Variants in ACVR2B observed in about 807,000 individuals in gnomAD.
ACVR2B encodes the protein activin receptor type-2B.
Under a neutral mutation model 65.1 loss-of-function variants are expected in ACVR2B, and 18 were observed. That is an observed-to-expected ratio of 0.28 (90% CI 0.19 to 0.41). ACVR2B has a LOEUF of 0.41. ACVR2B is among the 10% of genes least tolerant of loss of function. ACVR2B has a pLI of 1.00. For missense variants in ACVR2B, 482 were observed against 682.7 expected (o/e 0.71, Z 3.28); for synonymous variants, 298 against 277.7 (o/e 1.07, Z -0.73).
rs1710130254 is a variant in ACVR2B at position 38,486,814 on chromosome 3, C to T, written c.*3482C>T. ...ATCTATGATAACTGAGAAGTCATCCCTAGTTGGAGAAATCCAGTAATGAGC... is the reference window on the plus strand; with the variant it reads ...ATCTATGATAACTGAGAAGTCATCCTTAGTTGGAGAAATCCAGTAATGAGC... On this transcript the variant is annotated 3_prime_UTR_variant, in exon 11 of 11. Transcript: ENST00000352511. 1 of 152,222 alleles carries T rather than the reference C, an allele frequency of 6.6e-6. No homozygotes were observed. Among genetic ancestry groups the T allele is most frequent in the Non-Finnish European group, 1.5e-5 (1 of 68,100 alleles). The allele number at this position is 152,222 out of a possible 1,614,324, so 9.4% of individuals were successfully genotyped here. A position where few individuals can be genotyped will look rare whatever the true frequency, so the allele number is the denominator to read the frequency against.
chr3:38,481,266 A>G lies in ACVR2B; in HGVS notation c.960-85A>G. 1 of 1,183,534 alleles carries G rather than the reference A, an allele frequency of 8.4e-7. No homozygotes were observed. The highest frequency in any genetic ancestry group is 1.3e-6 in the Non-Finnish European group (1 of 791,384). The allele number at this position is 1,183,534 out of a possible 1,614,324, so 73.3% of individuals were successfully genotyped here. On this transcript the variant is annotated intron_variant, in intron 7 of 10. Coordinates refer to ENST00000352511, the MANE Select transcript of ACVR2B (RefSeq NM_001106.4). This position sits in a 1 kb window ranked among gnomAD's most constrained non-coding sequence, Gnocchi z 4.7. ...ATGGCCTGGTCTGGGGCCTGACTCT[A>G]GGGCACAGACTCTAGTATCTTGGGA... is the stretch of plus-strand genomic sequence containing the variant.
At chr3:38,468,961 T>C (rs1490219806) in intron 1 of ACVR2B, among the ~76,000 whole-genome samples, 1 of 152,224 alleles carries the variant, frequency 6.6e-6, no homozygotes, top group Non-Finnish European at 1.5e-5. Flanking sequence ...AAAAGGCATG[T>C]ATTTCAGAGC....
chr3:38,460,497 G>T (rs1463688435), intron 1 of ACVR2B, among the ~76,000 whole-genome samples: 1 of 152,194 alleles, frequency 6.6e-6, no homozygotes, highest in African/African-American at 2.4e-5. Flanking sequence ...GTCTCTTCCC[G>T]GCCCAGGACC....
Position 38,478,263 on chromosome 3 carries a change from C to A in ACVR2B, c.493C>A (p.Pro165Thr). The A allele has an allele frequency of 1.2e-6, 2 of 1,614,064 alleles. No individual in the cohort carries two copies. The highest frequency in any genetic ancestry group is 1.1e-5 in the South Asian group (1 of 91,058). ...LAFWMYRHRK[P>T]PYGHVDIHED... Reference sequence around the variant, plus strand: ...CTTTTGGATGTACCGGCATCGCAAGCCCCCCTACGGTCATGTGGACATCCA... The same window carrying A: ...CTTTTGGATGTACCGGCATCGCAAGACCCCCTACGGTCATGTGGACATCCA... The change falls in exon 4 of 11, where the codon CCC (proline) becomes ACC (threonine). Residue 165 changes from proline to threonine, a missense_variant. Pro to Thr is a conservative substitution (Grantham distance 38). Transcript: ENST00000352511.
Position 38,486,624 on chromosome 3 carries a change from A to G in ACVR2B, c.*3292A>G, listed in dbSNP as rs1710126118. 6.6e-6 allele frequency: 1 copy of G among 152,134 alleles called. No individual in the cohort carries two copies. The highest frequency in any genetic ancestry group is 2.1e-4 in the South Asian group (1 of 4,828). 9.4% of individuals were successfully genotyped at this position (152,134 alleles called of 1,614,324 possible). On this transcript the variant is annotated 3_prime_UTR_variant, in exon 11 of 11. Coordinates refer to ENST00000352511, the MANE Select transcript of ACVR2B (RefSeq NM_001106.4). ...CAGACTGGGGAAAATGGGGCCTGGC[A>G]TCATTTTCCCTGTCAATGGGAGGGG...
chr3:38,470,170 A>G lies in ACVR2B; in HGVS notation c.53-7117A>G, dbSNP rs185712797. Among the ~76,000 whole-genome samples, 1,041 of 152,310 alleles carry G rather than the reference A, an allele frequency of 6.8e-3. 14 individuals carry two copies. Among genetic ancestry groups the G allele is most frequent in the African/African-American group, 0.024 (992 of 41,580 alleles). ...CAGAATCATAGAATTTGGAGATGCAATATTCAAGTTGATAATAGCCAAGAA... is the reference window on the plus strand; with the variant it reads ...CAGAATCATAGAATTTGGAGATGCAGTATTCAAGTTGATAATAGCCAAGAA... On this transcript the variant is annotated intron_variant, in intron 1 of 10. Coordinates refer to ENST00000352511, the MANE Select transcript of ACVR2B (RefSeq NM_001106.4).
chr3:38,469,903 TGACCAGGAA>T (rs746362012), intron 1 of ACVR2B, among the ~76,000 whole-genome samples: 15 of 151,986 alleles, frequency 9.9e-5, no homozygotes, highest in Non-Finnish European at 1.6e-4. Flanking sequence ...GTATCAAAAT[TGACCAGGAA>T]GTTTTTTTTT....
At chr3:38,471,381 G>C (rs1254349092) in intron 1 of ACVR2B, among the ~76,000 whole-genome samples, 1 of 152,226 alleles carries the variant, frequency 6.6e-6, no homozygotes, top group African/African-American at 2.4e-5. Flanking sequence ...AACCCCAGGT[G>C]GGGGCTGTCA....
At chr3:38,467,362 G>A (rs1326479123) in intron 1 of ACVR2B, among the ~76,000 whole-genome samples, 2 of 151,852 alleles carry the variant, frequency 1.3e-5, no homozygotes, top group Admixed American at 6.6e-5. Flanking sequence ...AGAATCACTC[G>A]AACATGGGAG....
chr3:38,454,202 A>C lies in ACVR2B; in HGVS notation c.-121A>C, dbSNP rs1709500609. The C allele has an allele frequency of 1.4e-6, 1 of 724,152 alleles. No homozygotes were observed. Among genetic ancestry groups the C allele is most frequent in the South Asian group, 5.0e-5 (1 of 20,132 alleles). The allele number at this position is 724,152 out of a possible 1,614,324, so 44.9% of individuals were successfully genotyped here. ...ACGAAGGCGCAGGAAGCGCGCAGGG[A>C]ACGAGACCGAAGGAAGGAGCGGGAA... On this transcript the variant is annotated 5_prime_UTR_variant, in exon 1 of 11. Transcript: ENST00000352511.
At chr3:38,479,031 T>C in intron 5 of ACVR2B, 97 bp from the exon 6 acceptor site, 1 of 1,526,642 alleles carries the variant, frequency 6.6e-7, no homozygotes, top group Non-Finnish European at 9.0e-7. Context: ...GGCTTGAGGG[T>C]GGGGAATGGG....
chr3:38,457,118 G>C (rs35044334), intron 1 of ACVR2B, among the ~76,000 whole-genome samples: 78,532 of 151,910 alleles, frequency 0.52, 21,443 homozygotes, highest in Non-Finnish European at 0.61. Context: ...GCAGGGGAAT[G>C]GCATGAACCC....
intron 1 of ACVR2B, 87 bp downstream of exon 1, chr3:38,454,461 G>T: frequency 8.8e-7 from 1 of 1,136,580 alleles, no homozygotes; most frequent in Admixed American, 4.4e-5. Context: ...CAAAGGGCGG[G>T]CCCGGGGCCT....
chr3:38,473,151 C>G (rs1324113158), intron 1 of ACVR2B, among the ~76,000 whole-genome samples: 3 of 152,168 alleles, frequency 2.0e-5, no homozygotes, highest in Non-Finnish European at 4.4e-5. Context: ...CCCCTTGGAG[C>G]ATAGGGACTG....
chr3:38,458,555 C>T (rs140467915), intron 1 of ACVR2B, among the ~76,000 whole-genome samples: 4 of 152,216 alleles, frequency 2.6e-5, no homozygotes, highest in African/African-American at 7.2e-5. Flanking sequence ...GTGATCCTGC[C>T]GGATGTTCAG....
chr3:38,459,658 C>T (rs909018414), intron 1 of ACVR2B: 1 of 985,416 alleles, frequency 1.0e-6, no homozygotes, highest in East Asian at 1.1e-4. Context: ...AGGCCGGGGA[C>T]ACCAGGGCAG....
In ACVR2B at chr3:38,486,362, G is replaced by A. The variant is rs1710120656; in HGVS notation, c.*3030G>A. 1 of 152,246 alleles carries A rather than the reference G, an allele frequency of 6.6e-6. No individual in the cohort carries two copies. The allele number at this position is 152,246 out of a possible 1,614,324, so 9.4% of individuals were successfully genotyped here. A position where few individuals can be genotyped will look rare whatever the true frequency, so the allele number is the denominator to read the frequency against. On this transcript the variant is annotated 3_prime_UTR_variant, in exon 11 of 11. Coordinates refer to ENST00000352511, the MANE Select transcript of ACVR2B (RefSeq NM_001106.4). ...GTTCTGATGGCAAGAAGAAGGTGGG[G>A]GATCTCCTTATAGGGCATGGGTCTA...
At chr3:38,468,174 G>A (rs1449894450) in intron 1 of ACVR2B, among the ~76,000 whole-genome samples, 1 of 152,138 alleles carries the variant, frequency 6.6e-6, no homozygotes, top group African/African-American at 2.4e-5. Flanking sequence ...GCCACCATGC[G>A]GGCCTGATGT....
At position 38,454,235 on chromosome 3, in the gene ACVR2B, G is replaced by A. The variant is rs1709501199; in HGVS notation, c.-88G>A. On this transcript the variant is annotated 5_prime_UTR_variant, in exon 1 of 11. Transcript: ENST00000352511. ...CGAAGGAAGGAGCGGGAAGGAGAGC[G>A]CAGCCGCCGCCTGGCCCTGCGCGCC... The A allele has an allele frequency of 4.0e-6, 4 of 988,308 alleles. No individual in the cohort carries two copies. The highest frequency in any genetic ancestry group is 1.7e-5 in the African/African-American group (1 of 57,674). 61.2% of individuals were successfully genotyped at this position (988,308 alleles called of 1,614,324 possible).
Sources: allele counts gnomAD v4.1 joint callset (sites outside exome capture counted in the v4.1 genomes callset), GRCh38; gene constraint gnomAD v4.1.1; non-coding constraint Gnocchi (gnomAD v3.1); transcripts MANE v1.5; gene names NCBI Gene and HGNC (gene_info 2026-07-23, HGNC 2026-07-21).